Variants in HIVEP3 observed in about 807,000 individuals in gnomAD.
HIVEP3 encodes the protein transcription factor HIVEP3.
A neutral mutation model predicts 152.8 loss-of-function variants in HIVEP3; 49 were observed. The ratio of observed to expected loss-of-function variants is 0.32; its 90% CI spans 0.26 to 0.41. HIVEP3 has a LOEUF of 0.41. HIVEP3 is among the 10% of genes least tolerant of loss of function. The probability of loss-of-function intolerance (pLI) is 1.00; values close to 1 mark genes in which losing one functional copy is unlikely to be tolerated. For synonymous variants in HIVEP3, 1,269 were observed against 1,289.0 expected (o/e 0.98, Z 0.33); for missense variants, 2,790 against 3,103.3 (o/e 0.90, Z 2.40).
chr1:41,569,596 G>T (rs148507852), intron 5 of HIVEP3, among the ~76,000 whole-genome samples: 16 of 152,276 alleles, frequency 1.1e-4, no homozygotes, highest in African/African-American at 3.9e-4. Context: ...ACACTTCTGG[G>T]TTTCAAAGTC....
At chr1:41,547,217 T>C (rs114475283) in intron 5 of HIVEP3, among the ~76,000 whole-genome samples, 62 of 152,334 alleles carry the variant, frequency 4.1e-4, no homozygotes, top group African/African-American at 1.4e-3. Flanking sequence ...TTTTAAAGCA[T>C]CTACGGATTT....
At chr1:41,791,476 C>T (rs72671218) in intron 1 of HIVEP3, among the ~76,000 whole-genome samples, 7,704 of 152,252 alleles carry the variant, frequency 0.051, 260 homozygotes, top group Non-Finnish European at 0.078. Flanking sequence ...CATGGCCTTT[C>T]CACCTTTTTC....
intron 2 of HIVEP3, among the ~76,000 whole-genome samples, chr1:41,667,429 G>T (rs1645812735): frequency 6.6e-6 from 1 of 152,206 alleles, no homozygotes; most frequent in Non-Finnish European, 1.5e-5. Context: ...CAGCATTTTG[G>T]GGGACTCCCA....
At position 41,630,417 on chromosome 1, in the gene HIVEP3, T is replaced by C. The variant is rs988624791; in HGVS notation, c.-720-1470A>G. On this transcript the variant is annotated intron_variant, in intron 2 of 8. Transcript: ENST00000372583. ...ACCTGCACATGTACCCCAAATCTAATAGAAAAGTTGAAATTATTTTTAAAA... is the reference window on the plus strand; with the variant it reads ...ACCTGCACATGTACCCCAAATCTAACAGAAAAGTTGAAATTATTTTTAAAA... Among the ~76,000 whole-genome samples the C allele has an allele frequency of 3.3e-5, 5 of 152,202 alleles. No individual in the cohort carries two copies. The East Asian group carries it at 9.7e-4, about 29-fold the overall frequency.
At chr1:41,781,293 T>A (rs538939585) in intron 1 of HIVEP3, among the ~76,000 whole-genome samples, 1 of 152,316 alleles carries the variant, frequency 6.6e-6, no homozygotes, top group African/African-American at 2.4e-5. Flanking sequence ...ATGCTGTCCA[T>A]GTTAGAAGCC....
chr1:41,782,208 A>T (rs1158934075), intron 1 of HIVEP3, among the ~76,000 whole-genome samples: 3 of 152,246 alleles, frequency 2.0e-5, no homozygotes, highest in Non-Finnish European at 2.9e-5. Context: ...GCCAGTCACA[A>T]AAGAAGGACA....
intron 5 of HIVEP3, among the ~76,000 whole-genome samples, chr1:41,544,712 TACCACCTGTACCACCACC>T (rs1170294538): frequency 1.2e-4 from 5 of 41,272 alleles, no homozygotes; most frequent in African/African-American, 5.2e-4. Flanking sequence ...CCACCACCAC[TACCACCTGTACCACCACC>T]GCTACCATCA....
intron 5 of HIVEP3, among the ~76,000 whole-genome samples, chr1:41,532,387 A>G (rs1459555143): frequency 6.6e-6 from 1 of 152,066 alleles, no homozygotes; most frequent in African/African-American, 2.4e-5. Flanking sequence ...GAGTGTTGAG[A>G]GCCTGGAGTA....
intron 1 of HIVEP3, among the ~76,000 whole-genome samples, chr1:42,020,602 C>T (rs894586023): frequency 6.6e-6 from 1 of 152,110 alleles, no homozygotes; most frequent in African/African-American, 2.4e-5. Context: ...AAATGATATG[C>T]TGTGCTACCT....
intron 1 of HIVEP3, among the ~76,000 whole-genome samples, chr1:41,924,495 C>G (rs1214816604): frequency 6.6e-6 from 1 of 152,092 alleles, no homozygotes; most frequent in Admixed American, 6.5e-5. Context: ...ATTTATATAT[C>G]TTACCTCACA....
intron 1 of HIVEP3, among the ~76,000 whole-genome samples, chr1:41,931,280 T>G: frequency 6.6e-6 from 1 of 152,090 alleles, no homozygotes; most frequent in African/African-American, 2.4e-5. Context: ...TTCTCAGTTG[T>G]TTTTTAAGGT....
intron 1 of HIVEP3, among the ~76,000 whole-genome samples, chr1:41,718,140 C>T (rs989207611): frequency 6.6e-6 from 1 of 152,254 alleles, no homozygotes; most frequent in African/African-American, 2.4e-5. Flanking sequence ...CCTTCAGCGG[C>T]ATCCAGCCCA....
intron 1 of HIVEP3, among the ~76,000 whole-genome samples, chr1:41,937,172 T>C (rs1021770852): frequency 1.3e-5 from 2 of 152,150 alleles, no homozygotes; most frequent in Non-Finnish European, 1.5e-5. Flanking sequence ...TCCCCCAACA[T>C]TATTATCCAA....
At chr1:41,929,858 C>A (rs1035412057) in intron 1 of HIVEP3, among the ~76,000 whole-genome samples, 2 of 151,072 alleles carry the variant, frequency 1.3e-5, no homozygotes, top group South Asian at 4.2e-4. Flanking sequence ...CAGACAGACA[C>A]CTGCGTCTTA....
At chr1:41,989,417 T>C (rs1645343664) in intron 1 of HIVEP3, among the ~76,000 whole-genome samples, 1 of 152,122 alleles carries the variant, frequency 6.6e-6, no homozygotes, top group African/African-American at 2.4e-5. Context: ...GAGCAATCTA[T>C]ATGGTAAAAA....
intron 1 of HIVEP3, among the ~76,000 whole-genome samples, chr1:41,827,814 A>G (rs1408225949): frequency 6.6e-6 from 1 of 151,786 alleles, no homozygotes; most frequent in East Asian, 1.9e-4. Flanking sequence ...TTTCATCAGG[A>G]CCTCCCTTTT....
chr1:41,994,204 T>C (rs781296835), intron 1 of HIVEP3, among the ~76,000 whole-genome samples: 2 of 150,970 alleles, frequency 1.3e-5, no homozygotes, highest in Non-Finnish European at 2.9e-5. Flanking sequence ...GAGAGAAGCA[T>C]GTTATCTTAG....
intron 1 of HIVEP3, among the ~76,000 whole-genome samples, chr1:41,907,925 G>A (rs761394782): frequency 1.3e-4 from 20 of 152,178 alleles, no homozygotes; most frequent in Non-Finnish European, 2.2e-4. Context: ...AGATAGTATT[G>A]GAGAACTAGA....
At chr1:41,532,720 C>T (rs755732747) in intron 5 of HIVEP3, among the ~76,000 whole-genome samples, 25 of 152,132 alleles carry the variant, frequency 1.6e-4, no homozygotes, top group African/African-American at 5.3e-4. Flanking sequence ...GCACCACCCC[C>T]GAGCTTGGGG....
Sources: allele counts gnomAD v4.1 joint callset (sites outside exome capture counted in the v4.1 genomes callset), GRCh38; gene constraint gnomAD v4.1.1; transcripts MANE v1.5; gene names NCBI Gene and HGNC (gene_info 2026-07-23, HGNC 2026-07-21).